The following ZC3H6 variants were observed in gnomAD, a reference collection of about 807,000 sequenced individuals.
The protein encoded by ZC3H6 is zinc finger CCCH domain-containing protein 6.
A neutral mutation model predicts 107.7 loss-of-function variants in ZC3H6; 40 were observed. The observed-to-expected ratio is 0.37, with a 90% CI of 0.29 to 0.48. The LOEUF (loss-of-function observed/expected upper bound fraction) is 0.48, where lower values mean the gene tolerates loss of function less well. ZC3H6 is among the 20% of genes least tolerant of loss of function. ZC3H6 has a pLI of 0.98. For missense variants in ZC3H6, 1,267 were observed against 1,410.4 expected, an observed-to-expected ratio of 0.90 and a Z score of 1.63; for synonymous variants, 493 against 487.9, an observed-to-expected ratio of 1.01 and a Z score of -0.14.
chr2:112,326,347 C>A (rs1381668226), intron 11 of ZC3H6, among the ~76,000 whole-genome samples: 1 of 152,182 alleles, frequency 6.6e-6, no homozygotes, highest in African/African-American at 2.4e-5. Context: ...ACCGTCCCCA[C>A]TTCCTCCCTA....
At position 112,338,892 on chromosome 2, in the gene ZC3H6, TATATATATATATATATATATAA is replaced by T; in HGVS notation, c.*6405_*6426del. On this transcript the variant is annotated 3_prime_UTR_variant, in exon 12 of 12. Coordinates refer to ENST00000409871, the MANE Select transcript of ZC3H6 (RefSeq NM_198581.3). ...ATATATATATATATATATATATATATATATATATATATATATATATAATTTTTTTTTTTTGAGACGGAGTCTT... is the reference window on the plus strand; with the variant it reads ...ATATATATATATATATATATATATATTTTTTTTTTTTTGAGACGGAGTCTT... The T allele has an allele frequency of 3.0e-5, 1 of 33,566 alleles. No homozygotes were observed. The highest frequency in any genetic ancestry group is 4.4e-5 in the Non-Finnish European group (1 of 22,834). The allele number at this position is 33,566 out of a possible 1,614,324, so 2.1% of individuals were successfully genotyped here.
chr2:112,312,396 T>A (rs1191303051), intron 5 of ZC3H6, among the ~76,000 whole-genome samples: 1 of 152,230 alleles, frequency 6.6e-6, no homozygotes, highest in African/African-American at 2.4e-5. Context: ...GGTGAACTTA[T>A]GTATGTTACA....
chr2:112,293,653 A>G (rs2104701330), intron 1 of ZC3H6, among the ~76,000 whole-genome samples: 2 of 152,320 alleles, frequency 1.3e-5, no homozygotes, highest in East Asian at 3.9e-4. Flanking sequence ...GAGGAGAAAT[A>G]CTAGTTTGGT....
At chr2:112,325,234 G>A (rs759176151) in intron 11 of ZC3H6, 37 bp downstream of exon 11, 8 of 1,595,670 alleles carry the variant, frequency 5.0e-6, no homozygotes, top group Non-Finnish European at 6.0e-6. Context: ...TTACCTATTT[G>A]GATGGGTTAA....
chr2:112,305,501 T>A (rs1202573393), intron 3 of ZC3H6, among the ~76,000 whole-genome samples: 2 of 152,246 alleles, frequency 1.3e-5, no homozygotes, highest in Non-Finnish European at 2.9e-5. Flanking sequence ...TTACGCTGAC[T>A]ATTATATATC....
rs950610152 is a variant in ZC3H6 at position 112,275,600 on chromosome 2, A to G, written c.-395A>G. On this transcript the variant is annotated 5_prime_UTR_variant, in exon 1 of 12. Coordinates refer to ENST00000409871, the MANE Select transcript of ZC3H6 (RefSeq NM_198581.3). ...CGGGCAAGGTGTTGCGGCCGGCGCCATTTTCTCGAGCCGCCTGTTTCGGGT... is the reference window on the plus strand; with the variant it reads ...CGGGCAAGGTGTTGCGGCCGGCGCCGTTTTCTCGAGCCGCCTGTTTCGGGT... 1.0e-5 allele frequency: 4 copies of G among 400,736 alleles called. No individual in the cohort carries two copies. The highest frequency in any genetic ancestry group is 4.1e-5 in the African/African-American group (2 of 48,472). The allele number at this position is 400,736 out of a possible 1,614,324, so 24.8% of individuals were successfully genotyped here. A position where few individuals can be genotyped will look rare whatever the true frequency, so the allele number is the denominator to read the frequency against.
intron 1 of ZC3H6, among the ~76,000 whole-genome samples, chr2:112,278,866 C>A (rs879452453): frequency 7.9e-5 from 12 of 152,188 alleles, no homozygotes; most frequent in Admixed American, 7.2e-4. Context: ...AGCCATCCTC[C>A]CATTTCAGCC....
At chr2:112,287,456 T>C (rs1686628131) in intron 1 of ZC3H6, among the ~76,000 whole-genome samples, 1 of 152,214 alleles carries the variant, frequency 6.6e-6, no homozygotes, top group Non-Finnish European at 1.5e-5. Context: ...GTTTTCTTCA[T>C]GATGTCAAAC....
At chr2:112,326,582 A>G (rs1193802644) in intron 11 of ZC3H6, among the ~76,000 whole-genome samples, 1 of 152,090 alleles carries the variant, frequency 6.6e-6, no homozygotes, top group African/African-American at 2.4e-5. Context: ...TTGTGTATAT[A>G]TGCCACATTT....
chr2:112,277,055 T>A (rs1336177414), intron 1 of ZC3H6, among the ~76,000 whole-genome samples: 2 of 152,222 alleles, frequency 1.3e-5, no homozygotes, highest in Non-Finnish European at 2.9e-5. Context: ...TAAACACGTT[T>A]TTTAAAACCC....
intron 11 of ZC3H6, among the ~76,000 whole-genome samples, chr2:112,330,418 CATATA>C (rs1328489796): frequency 1.3e-5 from 2 of 152,162 alleles, no homozygotes; most frequent in Non-Finnish European, 2.9e-5. Context: ...AATATCTAAA[CATATA>C]ATAAAGAGTA....
intron 1 of ZC3H6, among the ~76,000 whole-genome samples, chr2:112,293,669 T>C (rs1392694767): frequency 6.6e-6 from 1 of 151,714 alleles, no homozygotes; most frequent in African/African-American, 2.4e-5. Flanking sequence ...TTGGTGGGGG[T>C]AAGGTAGGGA....
chr2:112,283,177 G>A (rs989044997), intron 1 of ZC3H6, among the ~76,000 whole-genome samples: 6 of 152,112 alleles, frequency 3.9e-5, no homozygotes, highest in Admixed American at 2.0e-4. Context: ...TGGGTTCTGG[G>A]AGGTGGTATT....
rs1026930086 is a variant in ZC3H6 at position 112,322,770 on chromosome 2, C to G, written c.1208C>G (p.Pro403Arg). 6.2e-7 allele frequency: 1 copy of G among 1,613,980 alleles called. No homozygotes were observed. Among genetic ancestry groups the G allele is most frequent in the African/African-American group, 1.3e-5 (1 of 75,058 alleles). Residue 403 changes from proline (P) to arginine (R), a missense_variant, in exon 9 of 12, where the codon CCA becomes CGA. By Grantham distance (103) the Pro-to-Arg change is moderately radical. Coordinates refer to ENST00000409871, the MANE Select transcript of ZC3H6 (RefSeq NM_198581.3). ...GGGGTTGGGCTTCTGCCAACCCCTC[C>G]AGAGCATTTTCCCTTTTCTGATCCT... ...PPGVGLLPTP[P>R]EHFPFSDPED... is the part of the protein sequence containing the mutation.
intron 1 of ZC3H6, among the ~76,000 whole-genome samples, chr2:112,277,222 GTAAAA>G (rs2104688233): frequency 6.6e-6 from 1 of 152,256 alleles, no homozygotes; most frequent in African/African-American, 2.4e-5. Flanking sequence ...TTTTTGGAAA[GTAAAA>G]TGCACTTTTA....
intron 7 of ZC3H6, among the ~76,000 whole-genome samples, chr2:112,321,168 C>A (rs919718406): frequency 6.6e-6 from 1 of 151,796 alleles, no homozygotes; most frequent in Non-Finnish European, 1.5e-5. Flanking sequence ...TTTCTTTATA[C>A]GTTTGTCTCC....
chr2:112,300,263 A>G (rs1012793370), intron 2 of ZC3H6, among the ~76,000 whole-genome samples: 1 of 151,804 alleles, frequency 6.6e-6, no homozygotes, highest in African/African-American at 2.4e-5. Flanking sequence ...GCTTGAGTGC[A>G]GTGGCACAAT....
intron 1 of ZC3H6, among the ~76,000 whole-genome samples, chr2:112,290,237 C>T (rs994592977): frequency 6.6e-6 from 1 of 152,268 alleles, no homozygotes; most frequent in African/African-American, 2.4e-5. Context: ...AAGAAATTCA[C>T]ATTTATGACC....
At chr2:112,287,414 CAT>C (rs1209478159) in intron 1 of ZC3H6, among the ~76,000 whole-genome samples, 7 of 152,122 alleles carry the variant, frequency 4.6e-5, no homozygotes, top group Admixed American at 6.5e-5. Flanking sequence ...CTGCTTATGA[CAT>C]AAAGTATAAT....
Sources: allele counts gnomAD v4.1 joint callset (sites outside exome capture counted in the v4.1 genomes callset), GRCh38; gene constraint gnomAD v4.1.1; transcripts MANE v1.5; gene names NCBI Gene and HGNC (gene_info 2026-07-23, HGNC 2026-07-21).